PAPOLA: variants seen among roughly 807,000 people sequenced by gnomAD.
The protein encoded by PAPOLA is poly(A) polymerase alpha.
Under a neutral mutation model 100.6 loss-of-function variants are expected in PAPOLA, and 15 were observed. The ratio of observed to expected loss-of-function variants is 0.15; its 90% CI spans 0.10 to 0.23. The LOEUF (loss-of-function observed/expected upper bound fraction) is 0.23, where lower values mean the gene tolerates loss of function less well. Among genes scored for constraint, PAPOLA ranks in the 10% least tolerant of loss-of-function variants. The pLI, the probability that PAPOLA is intolerant of heterozygous loss-of-function variation, is 1.00. For synonymous variants in PAPOLA, 293 were observed against 300.0 expected (o/e 0.98, Z 0.24); for missense variants, 533 against 884.2 (o/e 0.60, Z 5.04).
chr14:96,512,952 C>T (rs566333159), intron 1 of PAPOLA, among the ~76,000 whole-genome samples: 1 of 152,234 alleles, frequency 6.6e-6, no homozygotes, highest in African/African-American at 2.4e-5. Context: ...AGACACTGCT[C>T]ATTTCAAGCT....
At chr14:96,544,896 A>G (rs1398975866) in intron 15 of PAPOLA, among the ~76,000 whole-genome samples, 1 of 152,052 alleles carries the variant, frequency 6.6e-6, no homozygotes, top group East Asian at 1.9e-4. Context: ...TTATATGTAG[A>G]TTTCAGATTG....
Position 96,521,378 on chromosome 14 carries a change from G to A in PAPOLA, c.249+306G>A, listed in dbSNP as rs1431385953. 4.6e-5 allele frequency among the ~76,000 whole-genome samples: 7 copies of A among 152,110 alleles called. No individual in the cohort carries two copies. In the East Asian group the frequency reaches 1.3e-3, roughly 29 times the overall value. Reference sequence around the variant, plus strand: ...AAATAATGGATGTTTCTCTAAAAAGGTGCTTTAAACATATTTGAGACTCTT... The same window carrying A: ...AAATAATGGATGTTTCTCTAAAAAGATGCTTTAAACATATTTGAGACTCTT... On this transcript the variant is annotated intron_variant, in intron 3 of 21. Coordinates refer to ENST00000216277, the MANE Select transcript of PAPOLA (RefSeq NM_032632.5).
intron 1 of PAPOLA, among the ~76,000 whole-genome samples, chr14:96,508,170 C>T (rs1030315289): frequency 1.3e-5 from 2 of 152,198 alleles, no homozygotes; most frequent in African/African-American, 4.8e-5. Flanking sequence ...CACGCCTGGC[C>T]TCTGGTGGTT....
rs1406641449 is a variant in PAPOLA, at chr14:96,527,582, T to G, written c.441+43T>G. ...GTGAAATGGGATGAGTTATGAACAT[T>G]CATTTAGTCAGTTGAGTGAATTTTA... On this transcript the variant is annotated intron_variant, in intron 5 of 21. Transcript: ENST00000216277. The G allele has an allele frequency of 2.9e-6, 3 of 1,030,872 alleles. No homozygotes were observed. The East Asian group carries it at 7.1e-5, about 24-fold the overall frequency. 63.9% of individuals were successfully genotyped at this position (1,030,872 alleles called of 1,614,324 possible).
In PAPOLA at chr14:96,560,625, TAAAG is replaced by T. The variant is rs761814952; in HGVS notation, c.2005-23_2005-20del. 2 of 1,548,320 alleles carry T rather than the reference TAAAG, an allele frequency of 1.3e-6. No individual in the cohort carries two copies. The highest frequency in any genetic ancestry group is 1.4e-5 in the African/African-American group (1 of 72,980). On this transcript the variant is annotated intron_variant, in intron 19 of 21. Coordinates refer to ENST00000216277, the MANE Select transcript of PAPOLA (RefSeq NM_032632.5). ...AATCTAAATTTTTCATTTTAGAGAA[TAAAG>T]CTTTTTTTTTTAAAAACAGGATGAA...
intron 7 of PAPOLA, 47 bp from the exon 8 acceptor site, chr14:96,532,284 T>G (rs993219121): frequency 8.4e-6 from 12 of 1,432,016 alleles, no homozygotes; most frequent in South Asian, 5.5e-5. Flanking sequence ...TTGTTTTGTT[T>G]TGTGTGTGTG....
intron 19 of PAPOLA, among the ~76,000 whole-genome samples, chr14:96,557,267 T>C (rs951749156): frequency 1.3e-5 from 2 of 152,172 alleles, no homozygotes; most frequent in Non-Finnish European, 2.9e-5. Context: ...TCCAGGCTTG[T>C]CTCCAGCTCC....
intron 7 of PAPOLA, chr14:96,532,009 A>G: frequency 4.8e-6 from 6 of 1,237,228 alleles, no homozygotes; most frequent in Non-Finnish European, 6.1e-6. Flanking sequence ...TGGAAACTTT[A>G]GTGGATTAAG....
chr14:96,533,242 T>C (rs1899201218), intron 9 of PAPOLA: 15 of 983,662 alleles, frequency 1.5e-5, no homozygotes, highest in Non-Finnish European at 1.8e-5. Flanking sequence ...GAATAAAAGA[T>C]TACTGCCATT....
At chr14:96,540,836 A>G (rs1347239458) in intron 12 of PAPOLA, among the ~76,000 whole-genome samples, 1 of 152,242 alleles carries the variant, frequency 6.6e-6, no homozygotes, top group Non-Finnish European at 1.5e-5. Flanking sequence ...GATGATGTAC[A>G]CAAGACTTAG....
chr14:96,554,103 G>A (rs576106893), intron 17 of PAPOLA, among the ~76,000 whole-genome samples: 2 of 152,152 alleles, frequency 1.3e-5, no homozygotes, highest in Non-Finnish European at 2.9e-5. Flanking sequence ...AATATAAAAT[G>A]TGTACAACTG....
rs146872660 is a variant in PAPOLA at position 96,515,886 on chromosome 14, G to A, written c.9-4169G>A. ...TGTTTCTAGAATGGGCAGATGTCTA[G>A]TGCATTCAAGAATGGGAGGAGGAAC... On this transcript the variant is annotated intron_variant, in intron 1 of 21. Transcript: ENST00000216277. Among the ~76,000 whole-genome samples, 790 of 152,324 alleles carry A rather than the reference G, an allele frequency of 5.2e-3. 9 individuals are homozygous for A. The highest frequency in any genetic ancestry group is 0.018 in the African/African-American group (757 of 41,570).
In PAPOLA at chr14:96,533,095, TAAG is replaced by T. The variant is rs1262227030; in HGVS notation, c.836+450_836+452del. 9.2e-6 allele frequency: 9 copies of T among 979,218 alleles called. No individual in the cohort carries two copies. In the African/African-American group the frequency reaches 1.1e-4, roughly 11 times the overall value. The allele number at this position is 979,218 out of a possible 1,614,324, so 60.7% of individuals were successfully genotyped here. Reference sequence around the variant, plus strand: ...CTAATATTAAAGATACGAATTTTCATAAGAAGCTTTTAAAGAATAAATTAACAT... The same window carrying T: ...CTAATATTAAAGATACGAATTTTCATAAGCTTTTAAAGAATAAATTAACAT... On this transcript the variant is annotated intron_variant, in intron 9 of 21. Coordinates refer to ENST00000216277, the MANE Select transcript of PAPOLA (RefSeq NM_032632.5).
intron 16 of PAPOLA, among the ~76,000 whole-genome samples, chr14:96,550,025 A>T (rs1327248149): frequency 2.6e-5 from 4 of 152,136 alleles, no homozygotes; most frequent in Non-Finnish European, 5.9e-5. Flanking sequence ...CCTGGGCCTT[A>T]TAGTCCTAGC....
At chr14:96,559,335 T>C (rs1434318568) in intron 19 of PAPOLA, among the ~76,000 whole-genome samples, 1 of 151,944 alleles carries the variant, frequency 6.6e-6, no homozygotes, top group Non-Finnish European at 1.5e-5. Flanking sequence ...TAATGAGTAC[T>C]TGGTATTAGA....
chr14:96,544,425 T>C (rs1900225353), intron 15 of PAPOLA, among the ~76,000 whole-genome samples, 167 bp downstream of exon 15: 1 of 152,106 alleles, frequency 6.6e-6, no homozygotes, highest in Non-Finnish European at 1.5e-5. Flanking sequence ...GAGTATTCCT[T>C]ATCCACAATG....
chr14:96,536,097 C>A, intron 11 of PAPOLA, 98 bp downstream of exon 11: 1 of 873,406 alleles, frequency 1.1e-6, no homozygotes, highest in Non-Finnish European at 1.6e-6. Context: ...AAGAAGGATT[C>A]ACTGAAGTGG....
chr14:96,531,766 G>A (rs1899040813), intron 7 of PAPOLA, 180 bp downstream of exon 7: 4 of 1,457,538 alleles, frequency 2.7e-6, no homozygotes, highest in Non-Finnish European at 2.7e-6. Flanking sequence ...TCACTCTACA[G>A]TATTTTATAC....
At chr14:96,547,377 A>G (rs1900476059) in intron 15 of PAPOLA, among the ~76,000 whole-genome samples, 1 of 152,144 alleles carries the variant, frequency 6.6e-6, no homozygotes, top group Admixed American at 6.5e-5. Context: ...TCTTGTAAAG[A>G]TACCTTTAGG....
Sources: gnomAD v4.1 joint callset for allele counts (sites outside exome capture counted in the v4.1 genomes callset) on GRCh38, gnomAD v4.1.1 for gene constraint, MANE v1.5 for transcripts, NCBI Gene and HGNC (gene_info 2026-07-23, HGNC 2026-07-21) for gene names.